MGAM2: variants seen among roughly 807,000 people sequenced by gnomAD.
MGAM2 encodes the protein maltase-glucoamylase 2 (putative).
Under a neutral mutation model 96.1 loss-of-function variants are expected in MGAM2, and 98 were observed. The observed-to-expected ratio is 1.02, with a 90% CI of 0.87 to 1.21. The LOEUF is 1.21. Ranked by LOEUF, MGAM2 falls within the 50% of genes most tolerant of loss-of-function variation. The pLI is 0.00. For missense variants in MGAM2, 2,055 were observed against 1,182.4 expected (o/e 1.74, Z -10.82); for synonymous variants, 749 against 414.8 (o/e 1.81, Z -9.79).
intron 46 of MGAM2, among the ~76,000 whole-genome samples, chr7:142,211,394 C>T (rs569848991): frequency 4.1e-4 from 63 of 152,160 alleles, no homozygotes; most frequent in African/African-American, 1.2e-3. Flanking sequence ...CAAGCTCCTC[C>T]GAGCTAAAGG....
At position 142,161,138 on chromosome 7, in the gene MGAM2, C is replaced by G. The variant is rs1563267678; in HGVS notation, c.2359C>G (p.Leu787Val). ...ACTCTTTTACAGCCGGAGGAATTCC[C>G]TGGGACTCATCATCGCCTTGGACTA... ...TTTEASRRNS[L>V]GLIIALDYKR... is the part of the protein sequence containing the mutation. The change falls in exon 22 of 48, where the codon CTG becomes GTG. Residue 787 changes from leucine to valine, a missense_variant. Coordinates refer to ENST00000477922, the MANE Select transcript of MGAM2 (RefSeq NM_001293626.2). The G allele has an allele frequency of 2.8e-6, 2 of 702,688 alleles. No homozygotes were observed. The highest frequency in any genetic ancestry group is 5.2e-6 in the Non-Finnish European group (2 of 384,776). 43.5% of individuals were successfully genotyped at this position (702,688 alleles called of 1,614,324 possible).
At chr7:142,121,378 G>A (rs1223622868) in intron 3 of MGAM2, among the ~76,000 whole-genome samples, 2 of 151,530 alleles carry the variant, frequency 1.3e-5, no homozygotes, top group African/African-American at 2.4e-5. Context: ...GGGTTTCACC[G>A]TGTTGGCCAG....
At chr7:142,183,950 CTTTTTTTTTTTTTTTTTTTTTTTT>C (rs748299647) in intron 33 of MGAM2, among the ~76,000 whole-genome samples, 12 of 46,112 alleles carry the variant, frequency 2.6e-4, no homozygotes, top group South Asian at 8.3e-4. Context: ...TTCCAGGCTC[CTTTTTTTTTTTTTTTTTTTTTTTT>C]TTTTTTTTTT....
At chr7:142,214,955 A>G (rs1320856287) in intron 46 of MGAM2, among the ~76,000 whole-genome samples, 1 of 152,242 alleles carries the variant, frequency 6.6e-6, no homozygotes, top group Non-Finnish European at 1.5e-5. Context: ...TACTGGGTAT[A>G]TACCCAAAGG....
rs749236094 is a variant in MGAM2, at chr7:142,138,254, C to A, written c.961-288C>A. On this transcript the variant is annotated intron_variant, in intron 9 of 47. Coordinates refer to ENST00000477922, the MANE Select transcript of MGAM2 (RefSeq NM_001293626.2). The stretch of plus-strand genomic sequence containing the variant: ...TTCCAAGTGCCCATATTAGCCCTTG[C>A]CACACTGTGAACAAATATTCAGAAA... 2.6e-5 allele frequency among the ~76,000 whole-genome samples: 4 copies of A among 151,994 alleles called. No homozygotes were observed. In the South Asian group the frequency reaches 8.3e-4, roughly 32 times the overall value.
In MGAM2 at chr7:142,218,533, T is replaced by C; in HGVS notation, c.5358+2T>C. On this transcript the variant is annotated splice_donor_variant, in intron 47 of 47. Transcript: ENST00000477922. LOFTEE classifies it high-confidence loss of function. ...TTCAAGAGTGAACCTTATAATCAGG[T>C]AGGTCTGAAAGGAATATTAGCATAT... 1 of 689,836 alleles carries C rather than the reference T, an allele frequency of 1.4e-6. No homozygotes were observed. The highest frequency in any genetic ancestry group is 2.6e-6 in the Non-Finnish European group (1 of 378,794). The allele number at this position is 689,836 out of a possible 1,614,324, so 42.7% of individuals were successfully genotyped here.
At position 142,196,308 on chromosome 7, in the gene MGAM2, G is replaced by T. The variant is rs537113686; in HGVS notation, c.4480+21G>T. On this transcript the variant is annotated intron_variant, in intron 38 of 47. Coordinates refer to ENST00000477922, the MANE Select transcript of MGAM2 (RefSeq NM_001293626.2). ...CATTGGTGTGTGGGCTCATTCCCAG[G>T]GGCCTGTGCTGGCAGGGAGGGCACT... 9.8e-6 allele frequency: 7 copies of T among 717,140 alleles called. No individual in the cohort carries two copies. The Admixed American group carries it at 1.4e-4, about 14-fold the overall frequency. 44.4% of individuals were successfully genotyped at this position (717,140 alleles called of 1,614,324 possible).
rs1252567303 is a variant in MGAM2, at chr7:142,141,082, T to C, written c.1280T>C (p.Val427Ala). ...TATAATAATGGAAGCCTAAAGAGAG[T>C]GTGGATCTTGGGGAGCAATGGCTTT... ...EPYNNGSLKR[V>A]WILGSNGFAV... The change falls in exon 12 of 48, where the codon GTG becomes GCG. Residue 427 changes from valine (V) to alanine (A), a missense_variant. Coordinates refer to ENST00000477922, the MANE Select transcript of MGAM2 (RefSeq NM_001293626.2). 1.4e-6 allele frequency: 1 copy of C among 701,270 alleles called. No homozygotes were observed. The highest frequency in any genetic ancestry group is 1.8e-5 in the African/African-American group (1 of 57,120). The allele number at this position is 701,270 out of a possible 1,614,324, so 43.4% of individuals were successfully genotyped here. A position where few individuals can be genotyped will look rare whatever the true frequency, so the allele number is the denominator to read the frequency against.
At chr7:142,178,513 CTTGAG>C (rs1796443760) in intron 32 of MGAM2, among the ~76,000 whole-genome samples, 1 of 152,106 alleles carries the variant, frequency 6.6e-6, no homozygotes, top group Admixed American at 6.6e-5. Flanking sequence ...TTTAATCTAT[CTTGAG>C]TTAATTTTTG....
chr7:142,146,833 T>G (rs564253898), intron 14 of MGAM2, among the ~76,000 whole-genome samples: 125 of 152,096 alleles, frequency 8.2e-4, no homozygotes, highest in African/African-American at 2.9e-3. Flanking sequence ...GCTCAAGTGA[T>G]TCTCCTGCCT....
chr7:142,220,875 ACTACTTCTT>A lies in MGAM2; in HGVS notation c.6367_6375del (p.Thr2123_Ser2125del). Reference sequence around the variant, plus strand: ...CATTAGTACTACTGTACTTATTGCCACTACTTCTTCTCTAACAGGTACTACTGATGTTAG... The same window carrying A: ...CATTAGTACTACTGTACTTATTGCCACTCTAACAGGTACTACTGATGTTAG... On this transcript the variant is annotated inframe_deletion, in exon 48 of 48. Coordinates refer to ENST00000477922, the MANE Select transcript of MGAM2 (RefSeq NM_001293626.2). 1.4e-6 allele frequency: 1 copy of A among 702,082 alleles called. No individual in the cohort carries two copies. The highest frequency in any genetic ancestry group is 2.6e-6 in the Non-Finnish European group (1 of 384,756). 43.5% of individuals were successfully genotyped at this position (702,082 alleles called of 1,614,324 possible).
chr7:142,163,183 A>G (rs1317911264), intron 23 of MGAM2, among the ~76,000 whole-genome samples: 1 of 152,238 alleles, frequency 6.6e-6, no homozygotes, highest in African/African-American at 2.4e-5. Flanking sequence ...CACTTGATTA[A>G]TAGTATCTGG....
At chr7:142,114,192 AAGAAAGAAAGAAAGAAAGAAAGAG>A (rs1445164382) in intron 1 of MGAM2, among the ~76,000 whole-genome samples, 1 of 137,348 alleles carries the variant, frequency 7.3e-6, no homozygotes, top group East Asian at 2.0e-4. Context: ...GAAAGAAAGA[AAGAAAGAAAGAAAGAAAGAAAGAG>A]AGAAAGAAAG....
intron 1 of MGAM2, among the ~76,000 whole-genome samples, chr7:142,115,525 T>C (rs551039619): frequency 6.6e-6 from 1 of 152,308 alleles, no homozygotes; most frequent in South Asian, 2.1e-4. Flanking sequence ...AACAGCTGCC[T>C]TGATGTGATA....
chr7:142,220,954 ATAC>A lies in MGAM2; in HGVS notation c.6449_6451del (p.Thr2150del). ...AATATAAGTACTCCTGTTCAAACAA[ATAC>A]TACTAATGCTAGCACTAGTACTAAT... On this transcript the variant is annotated inframe_deletion, in exon 48 of 48. Coordinates refer to ENST00000477922, the MANE Select transcript of MGAM2 (RefSeq NM_001293626.2). The A allele has an allele frequency of 1.4e-6, 1 of 701,764 alleles. No homozygotes were observed. The highest frequency in any genetic ancestry group is 2.7e-5 in the East Asian group (1 of 37,252). The allele number at this position is 701,764 out of a possible 1,614,324, so 43.5% of individuals were successfully genotyped here.
chr7:142,194,696 A>ATGTGTGTGTGTG (rs72262078), intron 37 of MGAM2, among the ~76,000 whole-genome samples: 192 of 138,448 alleles, frequency 1.4e-3, no homozygotes, highest in African/African-American at 5.0e-3. Context: ...ACATGTGTGT[A>ATGTGTGTGTGTG]TGTGTGTGTG....
chr7:142,186,921 C>G (rs1035072997), intron 35 of MGAM2, among the ~76,000 whole-genome samples: 1 of 151,360 alleles, frequency 6.6e-6, no homozygotes, highest in Non-Finnish European at 1.5e-5. Flanking sequence ...TTGTGGGCAG[C>G]TTTGAGAATA....
At chr7:142,211,662 A>G (rs1233439162) in intron 46 of MGAM2, among the ~76,000 whole-genome samples, 3 of 152,228 alleles carry the variant, frequency 2.0e-5, no homozygotes, top group Non-Finnish European at 4.4e-5. Flanking sequence ...AAAAGGAACA[A>G]ACAAAGCCTC....
intron 6 of MGAM2, among the ~76,000 whole-genome samples, chr7:142,132,961 T>C (rs1256302246): frequency 2.3e-5 from 3 of 131,572 alleles, no homozygotes; most frequent in Non-Finnish European, 4.6e-5. Context: ...TATATGCATT[T>C]ATATTAAAAT....
Sources: allele counts gnomAD v4.1 joint callset (sites outside exome capture counted in the v4.1 genomes callset), GRCh38; gene constraint gnomAD v4.1.1; transcripts MANE v1.5; gene names NCBI Gene and HGNC (gene_info 2026-07-23, HGNC 2026-07-21).